RIPK1: variants seen among roughly 807,000 people sequenced by gnomAD.
RIPK1 encodes receptor-interacting serine/threonine-protein kinase 1.
Under a neutral mutation model 62.4 loss-of-function variants are expected in RIPK1, and 27 were observed. The observed-to-expected ratio is 0.43, with a 90% CI of 0.32 to 0.60. RIPK1 has a LOEUF of 0.60. Ranked by LOEUF, RIPK1 falls within the 20% of genes least tolerant of loss-of-function variation. The pLI, the probability that RIPK1 is intolerant of heterozygous loss-of-function variation, is 0.07. For missense variants in RIPK1, 735 were observed against 831.0 expected (o/e 0.88, Z 1.42); for synonymous variants, 287 against 303.2 (o/e 0.95, Z 0.55).
At chr6:3,090,490 G>A (rs941994906) in intron 7 of RIPK1, among the ~76,000 whole-genome samples, 1 of 152,096 alleles carries the variant, frequency 6.6e-6, no homozygotes, top group Non-Finnish European at 1.5e-5. Flanking sequence ...ATTTCATAAT[G>A]ATAAAAGGCC....
intron 5 of RIPK1, among the ~76,000 whole-genome samples, chr6:3,084,002 A>G (rs1243696405): frequency 6.6e-6 from 1 of 152,096 alleles, no homozygotes; most frequent in East Asian, 1.9e-4. Flanking sequence ...TTGTTGCCCA[A>G]TAAGAAACTT....
Position 3,077,938 on chromosome 6 carries a change from A to G in RIPK1, c.321+3A>G, listed in dbSNP as rs1282903019. 2 of 1,613,530 alleles carry G rather than the reference A, an allele frequency of 1.2e-6. No individual in the cohort carries two copies. Among genetic ancestry groups the G allele is most frequent in the African/African-American group, 2.7e-5 (2 of 74,946 alleles). On this transcript the variant is annotated splice_donor_region_variant and intron_variant, in intron 3 of 10. Transcript: ENST00000259808. ...TGATGCACGTGCTGAAAGCCGAGGT[A>G]GAGAGGGCCCCTCCGCACGGGGATC...
chr6:3,075,022 C>T (rs575816443), intron 1 of RIPK1, among the ~76,000 whole-genome samples: 2 of 152,360 alleles, frequency 1.3e-5, no homozygotes, highest in South Asian at 4.1e-4. Context: ...CATAGCCCTC[C>T]TTTTACTCTC....
At chr6:3,076,361 A>G (rs940282190) in intron 1 of RIPK1, among the ~76,000 whole-genome samples, 1 of 152,138 alleles carries the variant, frequency 6.6e-6, no homozygotes, top group Non-Finnish European at 1.5e-5. Flanking sequence ...GAATGTTAAC[A>G]AAAGTTTTTA....
rs1036722671 is a variant in RIPK1, at chr6:3,068,564, G to A, written c.-158G>A. ...AGCTGCCGGAGCGCGGCGACTCCAGGGGACCCACAGCTGGGGCGCCAGAGC... is the reference window on the plus strand; with the variant it reads ...AGCTGCCGGAGCGCGGCGACTCCAGAGGACCCACAGCTGGGGCGCCAGAGC... On this transcript the variant is annotated 5_prime_UTR_variant, in exon 1 of 11. Coordinates refer to ENST00000259808, the MANE Select transcript of RIPK1 (RefSeq NM_001354930.2). 1.0e-6 allele frequency: 1 copy of A among 985,280 alleles called. No individual in the cohort carries two copies. The highest frequency in any genetic ancestry group is 1.7e-5 in the African/African-American group (1 of 57,230). 61.0% of individuals were successfully genotyped at this position (985,280 alleles called of 1,614,324 possible).
intron 9 of RIPK1, among the ~76,000 whole-genome samples, chr6:3,106,968 T>C (rs1039522691): frequency 2.0e-5 from 3 of 152,188 alleles, no homozygotes; most frequent in African/African-American, 7.2e-5. Flanking sequence ...GGGCCATGGT[T>C]GGCCAGGTGT....
chr6:3,065,921 C>T (rs1480249453), upstream of RIPK1, among the ~76,000 whole-genome samples: 1 of 152,180 alleles, frequency 6.6e-6, no homozygotes, highest in African/African-American at 2.4e-5. Context: ...GAAGCAAAAA[C>T]AACGCATTTC....
intron 7 of RIPK1, among the ~76,000 whole-genome samples, chr6:3,102,927 T>C (rs1760662047): frequency 6.6e-6 from 1 of 152,156 alleles, no homozygotes; most frequent in Non-Finnish European, 1.5e-5. Flanking sequence ...TTAAAATTGT[T>C]TTACATGGTA....
intron 1 of RIPK1, among the ~76,000 whole-genome samples, chr6:3,069,048 C>T (rs1229150678): frequency 6.6e-6 from 1 of 152,192 alleles, no homozygotes; most frequent in African/African-American, 2.4e-5. Flanking sequence ...GTCCGCTGGC[C>T]GCCTCTGTGC....
intron 9 of RIPK1, among the ~76,000 whole-genome samples, chr6:3,109,320 G>C (rs1761034758): frequency 6.6e-6 from 1 of 152,114 alleles, no homozygotes; most frequent in Non-Finnish European, 1.5e-5. Context: ...AGAAGCACGT[G>C]GGGAGGTCAG....
At chr6:3,087,844 G>A (rs1471314774) in intron 6 of RIPK1, among the ~76,000 whole-genome samples, 1 of 152,126 alleles carries the variant, frequency 6.6e-6, no homozygotes, top group Non-Finnish European at 1.5e-5. Flanking sequence ...GGCCTACCGA[G>A]CTTTTTATTA....
At chr6:3,083,751 T>C (rs1324641742) in intron 5 of RIPK1, among the ~76,000 whole-genome samples, 1 of 152,134 alleles carries the variant, frequency 6.6e-6, no homozygotes, top group Non-Finnish European at 1.5e-5. Context: ...CTACATACTC[T>C]TCTTGGGTGA....
rs142693883 is a variant in RIPK1, at chr6:3,071,058, T to C, written c.-61+2397T>C. Among the ~76,000 whole-genome samples the C allele has an allele frequency of 2.3e-3, 355 of 152,374 alleles. 2 individuals carry two copies. The highest frequency in any genetic ancestry group is 8.2e-3 in the African/African-American group (343 of 41,592). On this transcript the variant is annotated intron_variant, in intron 1 of 10. Transcript: ENST00000259808. Reference sequence around the variant, plus strand: ...TGTTTAAACTCTGTTTCAATTCTTGTCTCTTGCTGGTCCTTAAGTCTCTTC... The same window carrying C: ...TGTTTAAACTCTGTTTCAATTCTTGCCTCTTGCTGGTCCTTAAGTCTCTTC...
chr6:3,068,839 T>A, intron 1 of RIPK1, 178 bp downstream of exon 1: 1 of 230,544 alleles, frequency 4.3e-6, no homozygotes, highest in Non-Finnish European at 7.1e-6. Flanking sequence ...CCTCCAGACG[T>A]TTGCCGCGGA....
chr6:3,065,832 TAC>T (rs1758355432), upstream of RIPK1, among the ~76,000 whole-genome samples: 1 of 152,210 alleles, frequency 6.6e-6, no homozygotes, highest in Admixed American at 6.5e-5. Flanking sequence ...ATGCACAGTC[TAC>T]ACTCATGGCT....
Position 3,076,830 on chromosome 6 carries a change from C to T in RIPK1, c.7C>T (p.Pro3Ser). 6.2e-7 allele frequency: 1 copy of T among 1,612,512 alleles called. No homozygotes were observed. The highest frequency in any genetic ancestry group is 1.1e-5 in the South Asian group (1 of 90,974). ...GGCGTTCTTGAGCTTCAGAATGCAA[C>T]CAGACATGTCCTTGAATGTCATTAA... MQ[P>S]DMSLNVIKMK... The change falls in exon 2 of 11, where the codon CCA becomes TCA. Residue 3 changes from proline (P) to serine (S), a missense_variant. Pro to Ser is a moderately conservative substitution (Grantham distance 74, BLOSUM62 -1). Around this residue, in one of 2 missense-constraint regions of RIPK1, gnomAD observed 671 missense variants for 726.2 expected, o/e 0.92. Coordinates refer to ENST00000259808, the MANE Select transcript of RIPK1 (RefSeq NM_001354930.2).
chr6:3,077,262 AT>A (rs1471334538), intron 2 of RIPK1, among the ~76,000 whole-genome samples: 1 of 152,156 alleles, frequency 6.6e-6, no homozygotes, highest in African/African-American at 2.4e-5. Context: ...TGGGGGGACA[AT>A]GAAAAGGAAA....
At chr6:3,076,100 T>G (rs1473002393) in intron 1 of RIPK1, among the ~76,000 whole-genome samples, 5 of 152,192 alleles carry the variant, frequency 3.3e-5, no homozygotes. Context: ...TTTCTGTCCC[T>G]AGAGTTCTTT....
At chr6:3,069,007 G>T (rs375373980) in intron 1 of RIPK1, 1 of 152,234 alleles carries the variant, frequency 6.6e-6, no homozygotes, top group Non-Finnish European at 1.5e-5. Flanking sequence ...GAAGTCAGGG[G>T]TGCTCCGCTA....
Sources: allele counts gnomAD v4.1 joint callset (sites outside exome capture counted in the v4.1 genomes callset), GRCh38; gene constraint gnomAD v4.1.1; regional missense constraint gnomAD v4.1.1; transcripts MANE v1.5; gene names NCBI Gene and HGNC (gene_info 2026-07-23, HGNC 2026-07-21).